The following SIRT6 variants were observed in gnomAD, a reference collection of about 807,000 sequenced individuals.
The protein encoded by SIRT6 is NAD-dependent protein deacylase sirtuin-6.
Under a neutral mutation model 33.6 loss-of-function variants are expected in SIRT6, and 21 were observed. The observed-to-expected ratio is 0.62, with a 90% CI of 0.44 to 0.90. SIRT6 has a LOEUF of 0.90. Among genes scored for constraint, SIRT6 ranks in the 40% least tolerant of loss-of-function variants. SIRT6 has a pLI of 0.00. For synonymous variants in SIRT6, 221 were observed against 223.9 expected (o/e 0.99, Z 0.12); for missense variants, 504 against 510.6 (o/e 0.99, Z 0.12).
chr19:4,181,253 C>A (rs1156978294), intron 1 of SIRT6, among the ~76,000 whole-genome samples: 1 of 152,158 alleles, frequency 6.6e-6, no homozygotes, highest in Non-Finnish European at 1.5e-5. Flanking sequence ...AGGGCCACAC[C>A]CTTTAATGCT....
At chr19:4,177,369 C>A (rs8104543) in intron 3 of SIRT6, among the ~76,000 whole-genome samples, 42,717 of 151,932 alleles carry the variant, frequency 0.28, 6,659 homozygotes, top group Middle Eastern at 0.38. Context: ...CATTAACCCC[C>A]AAGGCTGAAC....
At chr19:4,179,752 C>T (rs1967516905) in intron 2 of SIRT6, among the ~76,000 whole-genome samples, 1 of 152,126 alleles carries the variant, frequency 6.6e-6, no homozygotes, top group Non-Finnish European at 1.5e-5. Flanking sequence ...AGAGGAGGTA[C>T]CTGGGCCTGG....
chr19:4,180,197 C>G (rs954934759), intron 2 of SIRT6, among the ~76,000 whole-genome samples: 1 of 141,146 alleles, frequency 7.1e-6, no homozygotes, highest in South Asian at 2.2e-4. Context: ...CTCTGCCTCC[C>G]GGGTTCAAGC....
chr19:4,179,069 C>G (rs1967468801), intron 3 of SIRT6, 35 bp downstream of exon 3: 1 of 1,606,220 alleles, frequency 6.2e-7, no homozygotes, highest in Non-Finnish European at 8.5e-7. Flanking sequence ...TGTGGGGCCC[C>G]AAGCTCTTTT....
chr19:4,182,372 G>C (rs1967751143), intron 1 of SIRT6, 102 bp downstream of exon 1: 2 of 1,217,600 alleles, frequency 1.6e-6, no homozygotes, highest in Non-Finnish European at 2.3e-6. Context: ...CCATTGTCTA[G>C]CCTCAGTGCC....
Position 4,174,865 on chromosome 19 carries a change from GGA to G in SIRT6, c.818_819del (p.Ile273ThrfsTer154). ...TRLMKHLGLEIPAWDGPRVLE... is the reference protein window; with the variant it reads ...TRLMKHLGLEXPAWDGPRVLE... ...AGCACACGGGGGCCGTCCCAGGCGG[GGA>G]TCTCCAGCCCCAGGTGCTTCATGAG... On this transcript the variant is annotated frameshift_variant, in exon 8 of 8. Transcript: ENST00000337491. LOFTEE classifies it low-confidence loss of function (END_TRUNC). The surrounding 1 kb of genome is among the most constrained non-coding windows in gnomAD (Gnocchi z 4.2). 1 of 1,600,814 alleles carries G rather than the reference GGA, an allele frequency of 6.2e-7. No individual in the cohort carries two copies. The highest frequency in any genetic ancestry group is 8.5e-7 in the Non-Finnish European group (1 of 1,179,522).
chr19:4,175,170 G>T lies in SIRT6; in HGVS notation c.615-19C>A. 1 of 1,590,546 alleles carries T rather than the reference G, an allele frequency of 6.3e-7. No individual in the cohort carries two copies. On this transcript the variant is annotated intron_variant, in intron 6 of 7. Coordinates refer to ENST00000337491, the MANE Select transcript of SIRT6 (RefSeq NM_016539.4). Reference sequence around the variant, plus strand: ...GGCGTTCCTGGGGCCGGGGAGCGTGGGCTGAGCCTGATGCCCTGCTCCTGC... The same window carrying T: ...GGCGTTCCTGGGGCCGGGGAGCGTGTGCTGAGCCTGATGCCCTGCTCCTGC...
chr19:4,176,384 T>C (rs904125942), intron 4 of SIRT6, among the ~76,000 whole-genome samples: 23 of 152,030 alleles, frequency 1.5e-4, no homozygotes, highest in African/African-American at 5.1e-4. Context: ...AGGTCAGGAG[T>C]TCGACACCAG....
At chr19:4,179,082 G>C (rs781682828) in intron 3 of SIRT6, 22 bp downstream of exon 3, 1 of 1,609,346 alleles carries the variant, frequency 6.2e-7, no homozygotes, top group African/African-American at 1.3e-5. Flanking sequence ...GCTCTTTTGT[G>C]GGGGCGGGGC....
chr19:4,174,798 T>C lies in SIRT6; in HGVS notation c.887A>G (p.Lys296Arg). Reference sequence around the variant, plus strand: ...GGGAGATTCCTCCTTGGGCTCCAGCTTGGGGGTGGGCGGGCGGGGCAGGGG... The same window carrying C: ...GGGAGATTCCTCCTTGGGCTCCAGCCTGGGGGTGGGCGGGCGGGGCAGGGG... ...LPPLPRPPTPKLEPKEESPTR... is the reference protein window; with the variant it reads ...LPPLPRPPTPRLEPKEESPTR... Residue 296 changes from lysine to arginine, a missense_variant, in exon 8 of 8, where the codon AAG becomes AGG. By Grantham distance (26) the Lys-to-Arg change is conservative. Coordinates refer to ENST00000337491, the MANE Select transcript of SIRT6 (RefSeq NM_016539.4). This position sits in a 1 kb window ranked among gnomAD's most constrained non-coding sequence, Gnocchi z 4.2. 6.5e-6 allele frequency: 2 copies of C among 309,300 alleles called. No homozygotes were observed. 19.2% of individuals were successfully genotyped at this position (309,300 alleles called of 1,614,324 possible).
chr19:4,174,239 G>T lies in SIRT6; in HGVS notation c.*378C>A, dbSNP rs201511289. On this transcript the variant is annotated 3_prime_UTR_variant, in exon 8 of 8. Coordinates refer to ENST00000337491, the MANE Select transcript of SIRT6 (RefSeq NM_016539.4). This position sits in a 1 kb window ranked among gnomAD's most constrained non-coding sequence, Gnocchi z 4.2. Reference sequence around the variant, plus strand: ...CACTTCAAGGTGGGTCTCCCCTCCTGCAGGGCCCATGGAGGAGGGGTAGGG... The same window carrying T: ...CACTTCAAGGTGGGTCTCCCCTCCTTCAGGGCCCATGGAGGAGGGGTAGGG... 1.1e-5 allele frequency: 2 copies of T among 188,154 alleles called. No individual in the cohort carries two copies. The highest frequency in any genetic ancestry group is 3.8e-4 in the South Asian group (2 of 5,254). 11.7% of individuals were successfully genotyped at this position (188,154 alleles called of 1,614,324 possible).
chr19:4,174,895 G>A lies in SIRT6; in HGVS notation c.790C>T (p.Arg264Trp), dbSNP rs765650936. The A allele has an allele frequency of 7.5e-6, 12 of 1,603,460 alleles. No individual in the cohort carries two copies. The highest frequency in any genetic ancestry group is 2.7e-5 in the African/African-American group (2 of 74,888). ...IHGYVDEVMT[R>W]LMKHLGLEIP... ...TCCAGCCCCAGGTGCTTCATGAGCCGGGTCATGACCTCGTCAACGTAGCCA... is the reference window on the plus strand; with the variant it reads ...TCCAGCCCCAGGTGCTTCATGAGCCAGGTCATGACCTCGTCAACGTAGCCA... Residue 264 changes from arginine (R) to tryptophan (W), a missense_variant, in exon 8 of 8, where the codon CGG becomes TGG. Arg to Trp is a moderately radical substitution (Grantham distance 101). Coordinates refer to ENST00000337491, the MANE Select transcript of SIRT6 (RefSeq NM_016539.4). This position sits in a 1 kb window ranked among gnomAD's most constrained non-coding sequence, Gnocchi z 4.2.
intron 2 of SIRT6, among the ~76,000 whole-genome samples, chr19:4,180,445 G>C (rs1198382915): frequency 1.3e-5 from 2 of 152,108 alleles, no homozygotes; most frequent in East Asian, 1.9e-4. Context: ...GTGCAGTGGT[G>C]CAATCTCGGC....
chr19:4,175,916 G>A lies in SIRT6; in HGVS notation c.459C>T (p.Val153=), dbSNP rs1372614054. 5.7e-6 allele frequency: 9 copies of A among 1,569,644 alleles called. No individual in the cohort carries two copies. The highest frequency in any genetic ancestry group is 2.3e-5 in the East Asian group (1 of 42,920). The change falls in exon 5 of 8, where the codon GTC becomes GTT. Residue 153 remains valine, a synonymous_variant. Transcript: ENST00000337491. The part of the protein sequence containing the change: ...KCKTQYVRDT[V]VGTMGLKATG... ...TGGCCTTCAGGCCCATGGTGCCCACGACTGTGTCTCGGACGTACTGCCTGT... is the reference window on the plus strand; with the variant it reads ...TGGCCTTCAGGCCCATGGTGCCCACAACTGTGTCTCGGACGTACTGCCTGT...
At chr19:4,181,038 T>A in intron 1 of SIRT6, 129 bp from the exon 2 acceptor site, 1 of 1,235,420 alleles carries the variant, frequency 8.1e-7, no homozygotes, top group Non-Finnish European at 1.1e-6. Flanking sequence ...AGGCAGCTTG[T>A]CCTCATGCCC....
Position 4,177,501 on chromosome 19 carries a change from T to C in SIRT6, c.378-363A>G, listed in dbSNP as rs563498188. Among the ~76,000 whole-genome samples, 25 of 152,178 alleles carry C rather than the reference T, an allele frequency of 1.6e-4. 1 individual carries two copies. In the South Asian group the frequency reaches 2.9e-3, roughly 18 times the overall value. ...AGGAATTCAAATTCCCAGTTTATAA[T>C]GGAAGAAACCGAGACATTGAATGGC... On this transcript the variant is annotated intron_variant, in intron 3 of 7. Transcript: ENST00000337491.
rs755843151 is a variant in SIRT6 at position 4,174,823 on chromosome 19, G to C, written c.862C>G (p.Pro288Ala). 3 of 1,556,900 alleles carry C rather than the reference G, an allele frequency of 1.9e-6. No homozygotes were observed. In the Admixed American group the frequency reaches 5.3e-5, roughly 28 times the overall value. Residue 288 changes from proline to alanine, a missense_variant, in exon 8 of 8, where the codon CCC (proline) becomes GCC (alanine). Transcript: ENST00000337491. The surrounding 1 kb of genome is among the most constrained non-coding windows in gnomAD (Gnocchi z 4.2). ...GPRVLERALP[P>A]LPRPPTPKLE... ...TTGGGGGTGGGCGGGCGGGGCAGGGGTGGCAGCGCCCTCTCCAGCACACGG... is the reference window on the plus strand; with the variant it reads ...TTGGGGGTGGGCGGGCGGGGCAGGGCTGGCAGCGCCCTCTCCAGCACACGG...
chr19:4,179,446 G>C (rs888539357), intron 2 of SIRT6, 160 bp from the exon 3 acceptor site: 39 of 744,344 alleles, frequency 5.2e-5, no homozygotes, highest in Non-Finnish European at 7.7e-5. Flanking sequence ...CAGAAATAGA[G>C]GGTGAGTTGC....
rs1448019022 is a variant in SIRT6 at position 4,174,801 on chromosome 19, G to A, written c.884C>T (p.Pro295Leu). The change falls in exon 8 of 8, where the codon CCC becomes CTC. Residue 295 changes from proline (P) to leucine (L), a missense_variant. Physicochemically the swap from Pro to Leu is moderately conservative, Grantham distance 98. Transcript: ENST00000337491. This position sits in a 1 kb window ranked among gnomAD's most constrained non-coding sequence, Gnocchi z 4.2. ...ALPPLPRPPTPKLEPKEESPT... is the reference protein window; with the variant it reads ...ALPPLPRPPTLKLEPKEESPT... ...AGATTCCTCCTTGGGCTCCAGCTTG[G>A]GGGTGGGCGGGCGGGGCAGGGGTGG... 4.3e-6 allele frequency: 2 copies of A among 467,008 alleles called. No individual in the cohort carries two copies. Among genetic ancestry groups the A allele is most frequent in the Admixed American group, 2.4e-5 (1 of 40,888 alleles). 28.9% of individuals were successfully genotyped at this position (467,008 alleles called of 1,614,324 possible).
Sources: gnomAD v4.1 joint callset for allele counts (sites outside exome capture counted in the v4.1 genomes callset) on GRCh38, gnomAD v4.1.1 for gene constraint, Gnocchi (gnomAD v3.1) non-coding constraint, MANE v1.5 for transcripts, NCBI Gene and HGNC (gene_info 2026-07-23, HGNC 2026-07-21) for gene names.